CENPF: variants seen among roughly 807,000 people sequenced by gnomAD.
The protein encoded by CENPF is centromere protein F, also known as AH antigen.
A neutral mutation model predicts 307.3 loss-of-function variants in CENPF; 214 were observed. The ratio of observed to expected loss-of-function variants is 0.70; its 90% CI spans 0.62 to 0.78. The LOEUF is 0.78. Among genes scored for constraint, CENPF ranks in the 30% least tolerant of loss-of-function variants. CENPF has a pLI of 0.00. For missense variants in CENPF, 3,401 were observed against 3,483.9 expected, an observed-to-expected ratio of 0.98 and a Z score of 0.60; for synonymous variants, 1,259 against 1,270.6, an observed-to-expected ratio of 0.99 and a Z score of 0.19.
At chr1:214,651,945 G>C (rs562262866) in intron 15 of CENPF, 59 bp downstream of exon 15, 36 of 1,387,162 alleles carry the variant, frequency 2.6e-5, no homozygotes, top group South Asian at 1.6e-4. Flanking sequence ...TCATGGTAAG[G>C]CTTTTTTTTT....
chr1:214,616,694 A>G (rs985908808), intron 3 of CENPF, among the ~76,000 whole-genome samples: 5 of 152,122 alleles, frequency 3.3e-5, no homozygotes, highest in African/African-American at 1.2e-4. Context: ...GTAAGCTCAG[A>G]TGTGGTGGTT....
chr1:214,631,740 T>A (rs1229849479), intron 9 of CENPF, among the ~76,000 whole-genome samples: 1 of 152,170 alleles, frequency 6.6e-6, no homozygotes, highest in Non-Finnish European at 1.5e-5. Context: ...CCTCAGGTGA[T>A]CTGCCCACCT....
rs375674012 is a variant in CENPF at position 214,630,730 on chromosome 1, A to G, written c.1323+68A>G. On this transcript the variant is annotated intron_variant, in intron 9 of 19. Transcript: ENST00000366955. ...TGTTCCTTGTACTTGTTACTTCTCTACCATAACTGACATATGATACTTTCA... is the reference window on the plus strand; with the variant it reads ...TGTTCCTTGTACTTGTTACTTCTCTGCCATAACTGACATATGATACTTTCA... 18 of 1,546,960 alleles carry G rather than the reference A, an allele frequency of 1.2e-5. No individual in the cohort carries two copies. The East Asian group carries it at 3.2e-4, about 27-fold the overall frequency.
At chr1:214,611,507 A>C (rs1173207813) in intron 1 of CENPF, among the ~76,000 whole-genome samples, 1 of 152,128 alleles carries the variant, frequency 6.6e-6, no homozygotes, top group Non-Finnish European at 1.5e-5. Flanking sequence ...CTGGGATTAC[A>C]GGCGTCTGCC....
intron 1 of CENPF, among the ~76,000 whole-genome samples, chr1:214,604,335 G>A (rs963465587): frequency 1.2e-4 from 19 of 152,088 alleles, no homozygotes; most frequent in Admixed American, 1.0e-3. Flanking sequence ...TTCATCCAGG[G>A]CTTTTCTTCA....
chr1:214,652,505 A>G lies in CENPF; in HGVS notation c.8161-323A>G, dbSNP rs335526. On this transcript the variant is annotated intron_variant, in intron 15 of 19. Coordinates refer to ENST00000366955, the MANE Select transcript of CENPF (RefSeq NM_016343.4). ...GTCACCCAGGCTAGAGTGCAGTGGCACAATCTTGGCTCACTGCAGCCTCTG... is the reference window on the plus strand; with the variant it reads ...GTCACCCAGGCTAGAGTGCAGTGGCGCAATCTTGGCTCACTGCAGCCTCTG... Among the ~76,000 whole-genome samples, 128,678 of 146,882 alleles carry G rather than the reference A, an allele frequency of 0.88. 56,760 individuals are homozygous for G. The highest frequency in any genetic ancestry group is 0.97 in the East Asian group (4,770 of 4,942).
intron 19 of CENPF, among the ~76,000 whole-genome samples, 163 bp from the exon 20 acceptor site, chr1:214,663,428 C>T (rs1658835196): frequency 6.6e-6 from 1 of 152,176 alleles, no homozygotes; most frequent in Admixed American, 6.5e-5. Context: ...CCTAAGTTCT[C>T]TGTTAGATGG....
intron 3 of CENPF, among the ~76,000 whole-genome samples, chr1:214,615,602 T>C (rs1192087228): frequency 6.6e-6 from 1 of 152,084 alleles, no homozygotes; most frequent in African/African-American, 2.4e-5. Context: ...GGAGACAGAA[T>C]ATAAGCAGGC....
intron 1 of CENPF, among the ~76,000 whole-genome samples, 152 bp from the exon 2 acceptor site, chr1:214,613,562 A>G (rs1425011815): frequency 1.3e-5 from 2 of 152,196 alleles, no homozygotes; most frequent in Non-Finnish European, 2.9e-5. Flanking sequence ...GCCACCTTTC[A>G]GAGGATGGAG....
Position 214,646,707 on chromosome 1 carries a change from T to C in CENPF, c.7137T>C (p.Ser2379=). ...CAAAAATAGAAGGGATGACCCAAAGTCTGAGAGGTCTGGAATTAGATGTTG... is the reference window on the plus strand; with the variant it reads ...CAAAAATAGAAGGGATGACCCAAAGCCTGAGAGGTCTGGAATTAGATGTTG... The part of the protein sequence containing the change: ...LKAKIEGMTQ[S]LRGLELDVVT... Residue 2379 remains serine, a synonymous_variant, in exon 13 of 20, where the codon AGT becomes AGC. Coordinates refer to ENST00000366955, the MANE Select transcript of CENPF (RefSeq NM_016343.4). The C allele has an allele frequency of 6.2e-6, 10 of 1,613,880 alleles. No individual in the cohort carries two copies. The highest frequency in any genetic ancestry group is 8.5e-6 in the Non-Finnish European group (10 of 1,179,974).
rs147738481 is a variant in CENPF at position 214,642,690 on chromosome 1, C to G, written c.4352C>G (p.Thr1451Arg). 1 of 1,614,084 alleles carries G rather than the reference C, an allele frequency of 6.2e-7. No homozygotes were observed. Among genetic ancestry groups the G allele is most frequent in the Non-Finnish European group, 8.5e-7 (1 of 1,180,024 alleles). Residue 1451 changes from threonine to arginine, a missense_variant, in exon 12 of 20, where the codon ACG becomes AGG. By Grantham distance (71) the Thr-to-Arg change is moderately conservative (BLOSUM62 -1). Coordinates refer to ENST00000366955, the MANE Select transcript of CENPF (RefSeq NM_016343.4). ...AAGGCCGAAAATTTGGTCTTGTCAA[C>G]GAATCTGAGAAACTTTCAAGGTGAC... Reference protein sequence around the residue: ...SLKAENLVLSTNLRNFQGDLV... With the variant: ...SLKAENLVLSRNLRNFQGDLV...
intron 16 of CENPF, chr1:214,654,167 T>G (rs1658566724): frequency 6.6e-6 from 1 of 152,194 alleles, no homozygotes; most frequent in Non-Finnish European, 1.5e-5. Context: ...AATAATGTAA[T>G]GCATATGCCA....
chr1:214,635,532 A>T (rs1657935630), intron 10 of CENPF, among the ~76,000 whole-genome samples: 1 of 152,218 alleles, frequency 6.6e-6, no homozygotes, highest in Non-Finnish European at 1.5e-5. Flanking sequence ...GTTGATAATG[A>T]GATACCCAAT....
At position 214,645,896 on chromosome 1, in the gene CENPF, C is replaced by A; in HGVS notation, c.6326C>A (p.Ser2109Ter). The A allele has an allele frequency of 6.2e-7, 1 of 1,613,984 alleles. No individual in the cohort carries two copies. The highest frequency in any genetic ancestry group is 2.2e-5 in the East Asian group (1 of 44,876). Reference protein sequence around the residue: ...EKGEFALRLSSTQEEVHQLRR... With the variant: ...EKGEFALRLS ...GGTGAGTTCGCATTGAGGCTGAGCT[C>A]AACACAGGAGGAAGTGCATCAGCTG... The change falls in exon 13 of 20, where the codon TCA becomes TAA. Residue 2109 changes from serine (S) to a stop codon, truncating the protein, a stop_gained. Transcript: ENST00000366955. LOFTEE classifies it high-confidence loss of function.
At chr1:214,629,886 A>G (rs1164565969) in intron 8 of CENPF, among the ~76,000 whole-genome samples, 3 of 152,156 alleles carry the variant, frequency 2.0e-5, no homozygotes, top group Non-Finnish European at 2.9e-5. Context: ...GGGTTGGTAA[A>G]TAAATTAGGA....
chr1:214,611,148 G>A (rs547545508), intron 1 of CENPF, among the ~76,000 whole-genome samples: 4 of 152,220 alleles, frequency 2.6e-5, no homozygotes, highest in African/African-American at 9.6e-5. Context: ...GCTTAGGCTT[G>A]TCTTGGCTAT....
chr1:214,659,128 T>A lies in CENPF; in HGVS notation c.9141+100T>A. ...CTGCACCCCCGATTCAGGAGCGCTT[T>A]CAAAAAGTCTGACCTTCTTGGTGTG... On this transcript the variant is annotated intron_variant, in intron 19 of 19. Coordinates refer to ENST00000366955, the MANE Select transcript of CENPF (RefSeq NM_016343.4). This position sits in a 1 kb window ranked among gnomAD's most constrained non-coding sequence, Gnocchi z 4.4. 7.8e-7 allele frequency: 1 copy of A among 1,283,356 alleles called. No homozygotes were observed. Among genetic ancestry groups the A allele is most frequent in the East Asian group, 2.4e-5 (1 of 42,056 alleles). The allele number at this position is 1,283,356 out of a possible 1,614,324, so 79.5% of individuals were successfully genotyped here.
chr1:214,608,231 C>G (rs189965200), intron 1 of CENPF: 20,952 of 1,395,230 alleles, frequency 0.015, 250 homozygotes, highest in South Asian at 0.04. Context: ...CCACCTTCCT[C>G]CCAGGGAAGC....
intron 9 of CENPF, among the ~76,000 whole-genome samples, chr1:214,631,947 G>A (rs1221713219): frequency 2.0e-5 from 3 of 152,176 alleles, no homozygotes; most frequent in African/African-American, 7.2e-5. Flanking sequence ...TGCTAATCAA[G>A]GAGTGAAAAA....
Sources: allele counts gnomAD v4.1 joint callset (sites outside exome capture counted in the v4.1 genomes callset), GRCh38; gene constraint gnomAD v4.1.1; non-coding constraint Gnocchi (gnomAD v3.1); transcripts MANE v1.5; gene names NCBI Gene and HGNC (gene_info 2026-07-23, HGNC 2026-07-21).